Variants in FANCD2 observed in about 807,000 individuals in gnomAD.
FANCD2 encodes the protein FA complementation group D2, also known as Fanconi anemia group D2 protein.
A neutral mutation model predicts 192.3 loss-of-function variants in FANCD2; 131 were observed. That is an observed-to-expected ratio of 0.68 (90% confidence interval 0.59 to 0.79). The LOEUF (loss-of-function observed/expected upper bound fraction) is 0.79. Among genes scored for constraint, FANCD2 ranks in the 30% least tolerant of loss-of-function variants. The pLI is 0.00. For missense variants in FANCD2, 1,508 were observed against 1,701.6 expected, an observed-to-expected ratio of 0.89 and a Z score of 2.00; for synonymous variants, 524 against 612.5, an observed-to-expected ratio of 0.86 and a Z score of 2.13.
intron 36 of FANCD2, 133 bp from the exon 37 acceptor site, chr3:10,090,159 C>T: frequency 1.5e-6 from 1 of 685,986 alleles, no homozygotes; most frequent in Non-Finnish European, 2.7e-6. Context: ...CTCCCCCATC[C>T]TCTTACTAAG....
intron 26 of FANCD2, among the ~76,000 whole-genome samples, chr3:10,070,334 G>A (rs924902042): frequency 6.7e-6 from 1 of 149,126 alleles, no homozygotes; most frequent in African/African-American, 2.5e-5. Flanking sequence ...GGGAGGTGGG[G>A]GTCAGGCCCC....
intron 19 of FANCD2, among the ~76,000 whole-genome samples, chr3:10,060,670 T>C (rs1470541103): frequency 6.6e-6 from 1 of 152,206 alleles, no homozygotes; most frequent in East Asian, 1.9e-4. Context: ...TTGCACAAAA[T>C]GGGAACCCTG....
chr3:10,059,650 A>T (rs1446445752), intron 18 of FANCD2, among the ~76,000 whole-genome samples: 1 of 151,966 alleles, frequency 6.6e-6, no homozygotes, highest in African/African-American at 2.4e-5. Flanking sequence ...AAAATACAAA[A>T]AATTATCCGG....
At chr3:10,066,396 T>C (rs1450874174) in intron 25 of FANCD2, among the ~76,000 whole-genome samples, 3 of 152,232 alleles carry the variant, frequency 2.0e-5, no homozygotes, top group African/African-American at 7.2e-5. Context: ...CTCTCTGATA[T>C]TATTTCAGGA....
chr3:10,086,476 G>T (rs1694210205), intron 33 of FANCD2, among the ~76,000 whole-genome samples: 1 of 152,002 alleles, frequency 6.6e-6, no homozygotes, highest in Non-Finnish European at 1.5e-5. Context: ...CCTGTCTATA[G>T]GTCAGGACCT....
rs374096957 is a variant in FANCD2 at position 10,065,509 on chromosome 3, C to T, written c.2269+15C>T. Reference sequence around the variant, plus strand: ...TGGTCTACTAGGTATGGGATGAAGTCATCAGATCCTTTCTTCTTTATACTC... The same window carrying T: ...TGGTCTACTAGGTATGGGATGAAGTTATCAGATCCTTTCTTCTTTATACTC... On this transcript the variant is annotated intron_variant, in intron 24 of 43. Coordinates refer to ENST00000675286, the MANE Select transcript of FANCD2 (RefSeq NM_001018115.3). 110 of 1,499,190 alleles carry T rather than the reference C, an allele frequency of 7.3e-5. No homozygotes were observed. Among genetic ancestry groups the T allele is most frequent in the Non-Finnish European group, 9.7e-5 (104 of 1,075,178 alleles). 92.9% of individuals were successfully genotyped at this position (1,499,190 alleles called of 1,614,324 possible). A position where few individuals can be genotyped will look rare whatever the true frequency, so the allele number is the denominator to read the frequency against.
intron 3 of FANCD2, 146 bp from the exon 4 acceptor site, chr3:10,034,323 T>TAAAA (rs1173968145): frequency 2.0e-6 from 1 of 506,076 alleles, no homozygotes; most frequent in East Asian, 3.1e-5. Flanking sequence ...AAACTCCATC[T>TAAAA]CAAAAAAAAA....
intron 32 of FANCD2, among the ~76,000 whole-genome samples, chr3:10,084,060 C>T (rs1694020927): frequency 6.6e-6 from 1 of 151,620 alleles, no homozygotes; most frequent in Non-Finnish European, 1.5e-5. Flanking sequence ...GTGGCGCGAT[C>T]TCGGCTCACT....
At chr3:10,039,972 G>A (rs2086824619) in intron 9 of FANCD2, 127 bp downstream of exon 9, 2 of 991,344 alleles carry the variant, frequency 2.0e-6, no homozygotes, top group Non-Finnish European at 3.1e-6. Context: ...CCCTTCATGA[G>A]TAGGGTATGG....
chr3:10,093,137 T>C, intron 38 of FANCD2, 148 bp from the exon 39 acceptor site: 1 of 672,586 alleles, frequency 1.5e-6, no homozygotes, highest in East Asian at 2.7e-5. Flanking sequence ...TACTTTATTC[T>C]GCTTTGTAAT....
intron 2 of FANCD2, among the ~76,000 whole-genome samples, chr3:10,029,673 C>T (rs1188086411): frequency 1.3e-5 from 2 of 152,188 alleles, no homozygotes; most frequent in Non-Finnish European, 2.9e-5. Flanking sequence ...AATTTTGGTG[C>T]ACCTGTCACC....
At position 10,065,537 on chromosome 3, in the gene FANCD2, C is replaced by T. The variant is rs1165151171; in HGVS notation, c.2269+43C>T. 7 of 1,336,598 alleles carry T rather than the reference C, an allele frequency of 5.2e-6. No homozygotes were observed. In the African/African-American group the frequency reaches 7.2e-5, roughly 14 times the overall value. The allele number at this position is 1,336,598 out of a possible 1,614,324, so 82.8% of individuals were successfully genotyped here. A position where few individuals can be genotyped will look rare whatever the true frequency, so the allele number is the denominator to read the frequency against. ...CAGATCCTTTCTTCTTTATACTCTT[C>T]CTTTGGTAAACTTAGGGAAAGGGCA... On this transcript the variant is annotated intron_variant, in intron 24 of 43. Coordinates refer to ENST00000675286, the MANE Select transcript of FANCD2 (RefSeq NM_001018115.3).
At chr3:10,034,359 A>C in intron 3 of FANCD2, 110 bp from the exon 4 acceptor site, 1 of 754,034 alleles carries the variant, frequency 1.3e-6, no homozygotes, top group Non-Finnish European at 2.3e-6. Flanking sequence ...TTGTCTCTGA[A>C]ATTAGGTTGA....
At chr3:10,056,501 T>A (rs7616334) in intron 18 of FANCD2, among the ~76,000 whole-genome samples, 1 of 152,062 alleles carries the variant, frequency 6.6e-6, no homozygotes, top group Non-Finnish European at 1.5e-5. Context: ...TTCTTAAAAA[T>A]TTCTTTTGAT....
chr3:10,031,324 A>T (rs577168333), intron 2 of FANCD2, among the ~76,000 whole-genome samples: 6 of 152,104 alleles, frequency 3.9e-5, no homozygotes, highest in Non-Finnish European at 8.8e-5. Context: ...TAACATGGTG[A>T]AACCCCGTCT....
intron 1 of FANCD2, among the ~76,000 whole-genome samples, 170 bp from the exon 2 acceptor site, chr3:10,028,455 T>C (rs949784232): frequency 6.6e-6 from 1 of 152,234 alleles, no homozygotes. Context: ...GAAGGTAGTA[T>C]TGGCTAGATG....
intron 21 of FANCD2, 111 bp from the exon 22 acceptor site, chr3:10,064,245 T>C: frequency 2.3e-6 from 2 of 880,624 alleles, no homozygotes; most frequent in South Asian, 1.4e-5. Context: ...TATTATTACT[T>C]TCTTTTTAGA....
chr3:10,048,210 C>T (rs915064010), intron 16 of FANCD2, among the ~76,000 whole-genome samples, 159 bp downstream of exon 16: 11 of 152,282 alleles, frequency 7.2e-5, no homozygotes, highest in African/African-American at 2.4e-4. Flanking sequence ...AAGGAAGAGA[C>T]TTGACTGGTG....
chr3:10,079,710 C>A (rs1693727265), intron 30 of FANCD2, among the ~76,000 whole-genome samples: 1 of 152,156 alleles, frequency 6.6e-6, no homozygotes, highest in African/African-American at 2.4e-5. Flanking sequence ...CCAAACCAAG[C>A]CTGGGCCCAT....
Sources: allele counts gnomAD v4.1 joint callset (sites outside exome capture counted in the v4.1 genomes callset), GRCh38; gene constraint gnomAD v4.1.1; transcripts MANE v1.5; gene names NCBI Gene and HGNC (gene_info 2026-07-23, HGNC 2026-07-21).